Variants in HLF observed in about 807,000 individuals in gnomAD.
HLF encodes the protein hepatic leukemia factor.
In HLF, 3 loss-of-function variants were observed where a neutral mutation model predicts 22.6. The ratio of observed to expected loss-of-function variants is 0.13; its 90% CI spans 0.06 to 0.34. HLF has a LOEUF of 0.34. Ranked by LOEUF, HLF falls within the 10% of genes least tolerant of loss-of-function variation. The pLI, the probability that HLF is intolerant of heterozygous loss-of-function variation, is 1.00. For missense variants in HLF, 299 were observed against 389.2 expected, an observed-to-expected ratio of 0.77 and a Z score of 1.95; for synonymous variants, 151 against 151.8, an observed-to-expected ratio of 0.99 and a Z score of 0.04.
At chr17:55,281,539 A>G (rs1012614824) in intron 2 of HLF, among the ~76,000 whole-genome samples, 1 of 152,166 alleles carries the variant, frequency 6.6e-6, no homozygotes, top group Non-Finnish European at 1.5e-5. Flanking sequence ...AACAAAAAAT[A>G]TCTCTGAGTC....
At chr17:55,308,408 T>G (rs563164461) in intron 2 of HLF, among the ~76,000 whole-genome samples, 18 of 152,322 alleles carry the variant, frequency 1.2e-4, no homozygotes, top group African/African-American at 4.3e-4. Context: ...GTATGTATTA[T>G]CTAGTTCATT....
rs1324350664 is a variant in HLF, at chr17:55,306,642, C to T, written c.452-8585C>T. ...ATTAGTACATCAACCGTGTAATGTG[C>T]AGGACATTTAAAATATGTCAGAGCT... On this transcript the variant is annotated intron_variant, in intron 2 of 3. Coordinates refer to ENST00000226067, the MANE Select transcript of HLF (RefSeq NM_002126.5). Among the ~76,000 whole-genome samples the T allele has an allele frequency of 4.0e-5, 6 of 151,256 alleles. No homozygotes were observed. The Admixed American group carries it at 4.0e-4, about 10-fold the overall frequency.
At chr17:55,312,882 C>G (rs995035288) in intron 2 of HLF, among the ~76,000 whole-genome samples, 1 of 151,860 alleles carries the variant, frequency 6.6e-6, no homozygotes, top group Non-Finnish European at 1.5e-5. Flanking sequence ...GAAAAAATAC[C>G]CCTTACTTTT....
At chr17:55,295,346 ACAGGAAATGAT>A (rs2081102096) in intron 2 of HLF, among the ~76,000 whole-genome samples, 2 of 152,240 alleles carry the variant, frequency 1.3e-5, no homozygotes, top group Admixed American at 6.5e-5. Flanking sequence ...CCAGTAATTC[ACAGGAAATGAT>A]CAGGTCAGAA....
At chr17:55,317,975 C>T (rs1357081403) in intron 3 of HLF, among the ~76,000 whole-genome samples, 1 of 152,138 alleles carries the variant, frequency 6.6e-6, no homozygotes, top group African/African-American at 2.4e-5. Flanking sequence ...CTAGTGTGTG[C>T]CAACCCTCTA....
At chr17:55,285,794 G>A (rs776032983) in intron 2 of HLF, among the ~76,000 whole-genome samples, 1 of 152,218 alleles carries the variant, frequency 6.6e-6, no homozygotes, top group Non-Finnish European at 1.5e-5. Flanking sequence ...GAACATCCAC[G>A]GTGGTGTCTA....
rs72476932 is a variant in HLF, at chr17:55,324,790, A to AGTGTGTGTGT, written c.*3921_*3930dup. On this transcript the variant is annotated 3_prime_UTR_variant, in exon 4 of 4. Coordinates refer to ENST00000226067, the MANE Select transcript of HLF (RefSeq NM_002126.5). ...CATTTTGCAGGAGGCTAAGTGTAAG[A>AGTGTGTGTGT]GTGTGTGTGTGTGTGTGTGCGTGCA... 3,263 of 216,378 alleles carry AGTGTGTGTGT rather than the reference A, an allele frequency of 0.015. 48 individuals carry two copies. Among genetic ancestry groups the AGTGTGTGTGT allele is most frequent in the African/African-American group, 0.05 (2,194 of 44,312 alleles). The allele number at this position is 216,378 out of a possible 1,614,324, so 13.4% of individuals were successfully genotyped here.
At chr17:55,316,573 T>TAG (rs1159906593) in intron 3 of HLF, among the ~76,000 whole-genome samples, 1 of 152,222 alleles carries the variant, frequency 6.6e-6, no homozygotes, top group Non-Finnish European at 1.5e-5. Flanking sequence ...AAGGGGACCT[T>TAG]AGAGATTCAT....
Position 55,268,090 on chromosome 17 carries a change from A to G in HLF, c.451+4A>G. 1 of 1,517,790 alleles carries G rather than the reference A, an allele frequency of 6.6e-7. No homozygotes were observed. The allele number at this position is 1,517,790 out of a possible 1,614,324, so 94.0% of individuals were successfully genotyped here. A position where few individuals can be genotyped will look rare whatever the true frequency, so the allele number is the denominator to read the frequency against. On this transcript the variant is annotated splice_donor_region_variant and intron_variant, in intron 2 of 3. Transcript: ENST00000226067. ...ATGCAGAGCCCCATCAGACCAGGTAAGTGCCCTGAAGATTCTCCCTTCAGA... is the reference window on the plus strand; with the variant it reads ...ATGCAGAGCCCCATCAGACCAGGTAGGTGCCCTGAAGATTCTCCCTTCAGA...
At chr17:55,269,357 C>T (rs9897905) in intron 2 of HLF, among the ~76,000 whole-genome samples, 19,750 of 152,180 alleles carry the variant, frequency 0.13, 1,535 homozygotes, top group Middle Eastern at 0.18. Context: ...CTTGGGAAAA[C>T]ATGCCTTTAT....
In HLF at chr17:55,265,063, G is replaced by T. The variant is rs1249553566; in HGVS notation, c.-422G>T. On this transcript the variant is annotated 5_prime_UTR_variant, in exon 1 of 4. Transcript: ENST00000226067. ...AGCGGCCGCCGGCGCGGGGAGGGGG[G>T]TGGGGTGGGACGGCGCACCGCCTCC... The T allele has an allele frequency of 5.9e-6, 1 of 169,698 alleles. No homozygotes were observed. Among genetic ancestry groups the T allele is most frequent in the Non-Finnish European group, 1.2e-5 (1 of 80,024 alleles). 10.5% of individuals were successfully genotyped at this position (169,698 alleles called of 1,614,324 possible). A position where few individuals can be genotyped will look rare whatever the true frequency, so the allele number is the denominator to read the frequency against.
At chr17:55,308,699 G>A (rs1281044407) in intron 2 of HLF, among the ~76,000 whole-genome samples, 2 of 152,174 alleles carry the variant, frequency 1.3e-5, no homozygotes, top group Non-Finnish European at 2.9e-5. Context: ...ATGTTATTGT[G>A]GGTGTAAACA....
At chr17:55,309,143 T>C (rs35753982) in intron 2 of HLF, among the ~76,000 whole-genome samples, 6,063 of 152,206 alleles carry the variant, frequency 0.04, 216 homozygotes, top group African/African-American at 0.095. Context: ...GAATAGGACA[T>C]GAATGGGTTA....
chr17:55,317,549 G>A (rs1905118189), intron 3 of HLF, among the ~76,000 whole-genome samples: 1 of 152,202 alleles, frequency 6.6e-6, no homozygotes, highest in Non-Finnish European at 1.5e-5. Context: ...ATAGCAGGTG[G>A]GGAATGGGCA....
chr17:55,314,431 A>G (rs1350371057), intron 2 of HLF, among the ~76,000 whole-genome samples: 1 of 152,192 alleles, frequency 6.6e-6, no homozygotes, highest in Non-Finnish European at 1.5e-5. Flanking sequence ...TGGCTCATGC[A>G]ATCCGTTCAT....
intron 2 of HLF, among the ~76,000 whole-genome samples, chr17:55,305,500 C>G (rs963310839): frequency 2.6e-5 from 4 of 152,174 alleles, no homozygotes; most frequent in Non-Finnish European, 5.9e-5. Context: ...TGCAGAGTCT[C>G]CCCTTCCTTT....
At chr17:55,286,636 A>G (rs2081006497) in intron 2 of HLF, among the ~76,000 whole-genome samples, 1 of 152,202 alleles carries the variant, frequency 6.6e-6, no homozygotes, top group Non-Finnish European at 1.5e-5. Context: ...TCTTTTCTCA[A>G]TGAAATAGAC....
chr17:55,301,852 C>T (rs2081159631), intron 2 of HLF, among the ~76,000 whole-genome samples: 1 of 152,226 alleles, frequency 6.6e-6, no homozygotes, highest in East Asian at 1.9e-4. Flanking sequence ...CCAAGTTCCT[C>T]ATGACTGCAC....
At chr17:55,317,730 G>A (rs1291270890) in intron 3 of HLF, among the ~76,000 whole-genome samples, 2 of 152,168 alleles carry the variant, frequency 1.3e-5, no homozygotes, top group East Asian at 3.8e-4. Context: ...CTGGCCCCCA[G>A]CATTGGACAA....
Sources: allele counts gnomAD v4.1 joint callset (sites outside exome capture counted in the v4.1 genomes callset), GRCh38; gene constraint gnomAD v4.1.1; transcripts MANE v1.5; gene names NCBI Gene and HGNC (gene_info 2026-07-23, HGNC 2026-07-21).